TRPS1: variants seen among roughly 807,000 people sequenced by gnomAD.
TRPS1 encodes transcriptional repressor GATA binding 1, also known as zinc finger transcription factor Trps1.
Under a neutral mutation model 101.2 loss-of-function variants are expected in TRPS1, and 6 were observed. That is an observed-to-expected ratio of 0.06 (90% confidence interval 0.03 to 0.12). The LOEUF (loss-of-function observed/expected upper bound fraction) is 0.12. Ranked by LOEUF, TRPS1 falls within the 10% of genes least tolerant of loss-of-function variation. The pLI is 1.00. For missense variants in TRPS1, 1,363 were observed against 1,567.0 expected, an observed-to-expected ratio of 0.87 and a Z score of 2.20; for synonymous variants, 578 against 589.8, an observed-to-expected ratio of 0.98 and a Z score of 0.29.
In TRPS1 at chr8:115,409,612, C is replaced by T. The variant is rs756775697; in HGVS notation, c.*4411G>A. ...GCAGCACTATCAGGAACATGTGAGC[C>T]CACTGTCTATGAAACAGTACTGAAA... On this transcript the variant is annotated 3_prime_UTR_variant, in exon 7 of 7. Transcript: ENST00000395715. 4 of 152,066 alleles carry T rather than the reference C, an allele frequency of 2.6e-5. No homozygotes were observed. The highest frequency in any genetic ancestry group is 5.9e-5 in the Non-Finnish European group (4 of 67,994). The allele number at this position is 152,066 out of a possible 1,614,324, so 9.4% of individuals were successfully genotyped here. A position where few individuals can be genotyped will look rare whatever the true frequency, so the allele number is the denominator to read the frequency against.
intron 5 of TRPS1, among the ~76,000 whole-genome samples, chr8:115,506,211 C>T (rs1014920771): frequency 9.3e-5 from 14 of 151,126 alleles, no homozygotes; most frequent in African/African-American, 3.4e-4. Context: ...TAATGACCTA[C>T]AAATTTGTAG....
chr8:115,534,600 T>C (rs1430873675), intron 5 of TRPS1, among the ~76,000 whole-genome samples: 1 of 152,246 alleles, frequency 6.6e-6, no homozygotes, highest in African/African-American at 2.4e-5. Context: ...AAAGAAAACA[T>C]GTTTCATGCT....
At chr8:115,607,630 C>T (rs1033490650) in intron 3 of TRPS1, among the ~76,000 whole-genome samples, 5 of 151,284 alleles carry the variant, frequency 3.3e-5, no homozygotes, top group Non-Finnish European at 5.9e-5. Flanking sequence ...CACATATTTG[C>T]GTTTTTGGTT....
intron 5 of TRPS1, among the ~76,000 whole-genome samples, chr8:115,561,997 C>T (rs565288270): frequency 2.0e-5 from 3 of 152,000 alleles, no homozygotes; most frequent in Admixed American, 6.6e-5. Context: ...CGAAGAATTA[C>T]GTTTTCCCAG....
intron 3 of TRPS1, among the ~76,000 whole-genome samples, chr8:115,606,718 T>C (rs2130498882): frequency 6.6e-6 from 1 of 151,772 alleles, no homozygotes; most frequent in South Asian, 2.1e-4. Flanking sequence ...TGAAATATAA[T>C]TCATAATACT....
intron 4 of TRPS1, among the ~76,000 whole-genome samples, chr8:115,598,394 A>G (rs1189151240): frequency 6.6e-6 from 1 of 152,054 alleles, no homozygotes; most frequent in Non-Finnish European, 1.5e-5. Context: ...TGCAGCCTCG[A>G]CCTCCTGGGC....
intron 5 of TRPS1, among the ~76,000 whole-genome samples, chr8:115,535,276 C>CATATATAGAAT: frequency 9.0e-6 from 1 of 111,262 alleles, no homozygotes; most frequent in South Asian, 2.9e-4. Flanking sequence ...ATATATATAG[C>CATATATAGAAT]ATATATAGCA....
At chr8:115,616,364 G>C (rs1406425497) in intron 3 of TRPS1, among the ~76,000 whole-genome samples, 1 of 152,012 alleles carries the variant, frequency 6.6e-6, no homozygotes, top group Non-Finnish European at 1.5e-5. Flanking sequence ...ACTTAAACCG[G>C]GAAATCTTCG....
intron 4 of TRPS1, among the ~76,000 whole-genome samples, 169 bp downstream of exon 4, chr8:115,603,704 G>GT (rs1817959528): frequency 6.6e-6 from 1 of 152,166 alleles, no homozygotes; most frequent in Non-Finnish European, 1.5e-5. Flanking sequence ...GATCACAGCT[G>GT]TAACTATATC....
chr8:115,623,603 G>C lies in TRPS1; in HGVS notation c.35C>G (p.Thr12Arg). 6.2e-7 allele frequency: 1 copy of C among 1,612,110 alleles called. No homozygotes were observed. The highest frequency in any genetic ancestry group is 8.5e-7 in the Non-Finnish European group (1 of 1,179,022). Residue 12 changes from threonine (T) to arginine (R), a missense_variant and splice_region_variant, in exon 2 of 7, where the codon ACA (threonine) becomes AGA (arginine). Thr to Arg is a moderately conservative substitution (Grantham distance 71). Transcript: ENST00000395715. Reference protein sequence around the residue: ...PYEVNAGYDFTNMVRKKNPPL... With the variant: ...PYEVNAGYDFRNMVRKKNPPL... ...ACTTGAAAAAATAGATCACATACTT[G>C]TAAAATCATACCCAGCATTGACTTC... is the stretch of plus-strand genomic sequence containing the variant.
chr8:115,563,733 G>A (rs904572457), intron 5 of TRPS1, among the ~76,000 whole-genome samples: 1 of 151,966 alleles, frequency 6.6e-6, no homozygotes, highest in Non-Finnish European at 1.5e-5. Flanking sequence ...CTCACTTTAA[G>A]TTCCCAAGCT....
intron 4 of TRPS1, among the ~76,000 whole-genome samples, chr8:115,598,625 A>C (rs1481833957): frequency 6.6e-6 from 1 of 152,160 alleles, no homozygotes; most frequent in Non-Finnish European, 1.5e-5. Flanking sequence ...TTTGAACTAC[A>C]TAAACAAGAC....
intron 1 of TRPS1, among the ~76,000 whole-genome samples, chr8:115,641,552 C>T (rs1012650802): frequency 1.3e-5 from 2 of 152,120 alleles, no homozygotes; most frequent in Admixed American, 6.6e-5. Flanking sequence ...ATCAAATTAC[C>T]AGCCTATAGC....
intron 5 of TRPS1, among the ~76,000 whole-genome samples, chr8:115,470,433 T>C (rs1368958378): frequency 6.6e-6 from 1 of 152,226 alleles, no homozygotes; most frequent in East Asian, 1.9e-4. Context: ...TATTAGCATA[T>C]AATTTCATAA....
chr8:115,605,081 C>T (rs1006957544), intron 3 of TRPS1, 79 bp from the exon 4 acceptor site: 20 of 1,351,796 alleles, frequency 1.5e-5, no homozygotes, highest in East Asian at 2.3e-5. Flanking sequence ...GGGGAGGGTA[C>T]TGCCAAGTAT....
intron 5 of TRPS1, among the ~76,000 whole-genome samples, chr8:115,444,540 T>G (rs916430661): frequency 6.6e-6 from 1 of 152,218 alleles, no homozygotes; most frequent in African/African-American, 2.4e-5. Context: ...AGTTCTAACA[T>G]TTTCAAAGTA....
chr8:115,513,146 G>A lies in TRPS1; in HGVS notation c.2700+73855C>T, dbSNP rs774063503. On this transcript the variant is annotated intron_variant, in intron 5 of 6. Transcript: ENST00000395715. Reference sequence around the variant, plus strand: ...TGTAGTCAGGCACTCATAATATTAAGTATTTGAATAGAAATTAAATTGAAC... The same window carrying A: ...TGTAGTCAGGCACTCATAATATTAAATATTTGAATAGAAATTAAATTGAAC... Among the ~76,000 whole-genome samples, 55 of 151,808 alleles carry A rather than the reference G, an allele frequency of 3.6e-4. No homozygotes were observed. The South Asian group carries it at 5.2e-3, about 14-fold the overall frequency.
At chr8:115,631,365 T>C (rs571795693) in intron 1 of TRPS1, among the ~76,000 whole-genome samples, 4 of 152,250 alleles carry the variant, frequency 2.6e-5, no homozygotes, top group Non-Finnish European at 5.9e-5. Flanking sequence ...TATGTGATAC[T>C]AATCAAAATA....
chr8:115,667,806 C>A, intron 1 of TRPS1: 5 of 1,529,516 alleles, frequency 3.3e-6, no homozygotes, highest in Non-Finnish European at 4.4e-6. Context: ...GCTGTTTTCC[C>A]ACTTTGGAGA....
Sources: gnomAD v4.1 joint callset for allele counts (sites outside exome capture counted in the v4.1 genomes callset) on GRCh38, gnomAD v4.1.1 for gene constraint, MANE v1.5 for transcripts, NCBI Gene and HGNC (gene_info 2026-07-23, HGNC 2026-07-21) for gene names.